The following RBM25 variants were observed in gnomAD, a reference collection of about 807,000 sequenced individuals.
RBM25 encodes RNA binding motif protein 25.
RBM25 carries 19 observed loss-of-function variants against 120.7 expected under a neutral mutation model. The ratio of observed to expected loss-of-function variants is 0.16; its 90% CI spans 0.11 to 0.23. The LOEUF is 0.23. Ranked by LOEUF, RBM25 falls within the 10% of genes least tolerant of loss-of-function variation. RBM25 has a pLI of 1.00. For missense variants in RBM25, 605 were observed against 1,041.5 expected (o/e 0.58, Z 5.77); for synonymous variants, 390 against 326.7 (o/e 1.19, Z -2.09).
At chr14:73,073,743 T>C (rs761710217) in intron 2 of RBM25, among the ~76,000 whole-genome samples, 2 of 152,236 alleles carry the variant, frequency 1.3e-5, no homozygotes, top group African/African-American at 4.8e-5. Context: ...TGGAATAGAA[T>C]GCAGTACTTT....
At position 73,112,086 on chromosome 14, in the gene RBM25, G is replaced by T. The variant is rs1293340551; in HGVS notation, c.2293-66G>T. 3 of 1,405,158 alleles carry T rather than the reference G, an allele frequency of 2.1e-6. No individual in the cohort carries two copies. The African/African-American group carries it at 4.4e-5, about 21-fold the overall frequency. 87.0% of individuals were successfully genotyped at this position (1,405,158 alleles called of 1,614,324 possible). ...ATATTTTAGTCTCAGGAAAAATCATGAAGCTTTAATAACTGTTATAGCAAG... is the reference window on the plus strand; with the variant it reads ...ATATTTTAGTCTCAGGAAAAATCATTAAGCTTTAATAACTGTTATAGCAAG... On this transcript the variant is annotated intron_variant, in intron 16 of 18. Transcript: ENST00000261973.
At chr14:73,074,751 G>A (rs1327551293) in intron 2 of RBM25, among the ~76,000 whole-genome samples, 3 of 150,988 alleles carry the variant, frequency 2.0e-5, no homozygotes, top group South Asian at 4.2e-4. Flanking sequence ...TCACTCTGTC[G>A]CTGGAGTGCA....
intron 6 of RBM25, among the ~76,000 whole-genome samples, chr14:73,091,686 A>G (rs920190610): frequency 6.6e-6 from 1 of 151,844 alleles, no homozygotes; most frequent in African/African-American, 2.4e-5. Flanking sequence ...AGCCTGGCCA[A>G]CATGGTGGAA....
rs362436 is a variant in RBM25 at position 73,112,129 on chromosome 14, A to G, written c.2293-23A>G. The G allele has an allele frequency of 5.5e-4, 860 of 1,566,478 alleles. 4 individuals carry two copies. The African/African-American group carries it at 0.011, about 20-fold the overall frequency. On this transcript the variant is annotated intron_variant, in intron 16 of 18. Transcript: ENST00000261973. ...ATAGCAAGTTACAATTCTTTAATTC[A>G]GTAACCGTGGTTTGTTTTGCAGATA...
In RBM25 at chr14:73,111,033, A is replaced by G. The variant is rs755455107; in HGVS notation, c.1895A>G (p.Asn632Ser). Residue 632 changes from asparagine (N) to serine (S), a missense_variant, in exon 15 of 19, where the codon AAT becomes AGT. Around this residue, in one of 4 missense-constraint regions of RBM25, gnomAD observed 465 missense variants for 741.6 expected, o/e 0.63. Coordinates refer to ENST00000261973, the MANE Select transcript of RBM25 (RefSeq NM_021239.3). ...SAPSVSSASG[N>S]ATPNTPGDES... Reference sequence around the variant, plus strand: ...CCATCTGTTTCCTCTGCCAGTGGCAATGCAACACCTAACACTCCTGGGGAT... The same window carrying G: ...CCATCTGTTTCCTCTGCCAGTGGCAGTGCAACACCTAACACTCCTGGGGAT... The G allele has an allele frequency of 6.2e-6, 10 of 1,614,194 alleles. No homozygotes were observed. Among genetic ancestry groups the G allele is most frequent in the Non-Finnish European group, 7.6e-6 (9 of 1,180,016 alleles).
intron 18 of RBM25, among the ~76,000 whole-genome samples, chr14:73,118,345 G>C (rs1305806254): frequency 1.3e-5 from 2 of 151,968 alleles, no homozygotes; most frequent in African/African-American, 4.8e-5. Context: ...AGGAGTAGTG[G>C]TGCACACCTG....
intron 2 of RBM25, among the ~76,000 whole-genome samples, chr14:73,072,867 A>G (rs1228262157): frequency 1.3e-5 from 2 of 152,098 alleles, no homozygotes; most frequent in Non-Finnish European, 1.5e-5. Flanking sequence ...AATTCATAGC[A>G]TGTATGTTAC....
chr14:73,122,902 C>G lies in RBM25; in HGVS notation c.*3097C>G, dbSNP rs1421036080. On this transcript the variant is annotated 3_prime_UTR_variant, in exon 19 of 19. Coordinates refer to ENST00000261973, the MANE Select transcript of RBM25 (RefSeq NM_021239.3). ...TCTATTCAGTATTATTTTATCCTAA[C>G]AGACTACATAAATGCAGCTGAATTT... 2 of 152,198 alleles carry G rather than the reference C, an allele frequency of 1.3e-5. No homozygotes were observed. The highest frequency in any genetic ancestry group is 2.9e-5 in the Non-Finnish European group (2 of 68,030). The allele number at this position is 152,198 out of a possible 1,614,324, so 9.4% of individuals were successfully genotyped here.
At position 73,061,071 on chromosome 14, in the gene RBM25, T is replaced by C. The variant is rs146336497; in HGVS notation, c.-16+2366T>C. 6.1e-3 allele frequency among the ~76,000 whole-genome samples: 916 copies of C among 150,918 alleles called. 18 individuals carry two copies. Among genetic ancestry groups the C allele is most frequent in the African/African-American group, 0.021 (871 of 41,358 alleles). ...TGGTGTACTTTTTTTTTTTTTTCCT[T>C]TTTGGAGATGGAGTCTCGCTCTGTC... On this transcript the variant is annotated intron_variant, in intron 1 of 18. Transcript: ENST00000261973.
At chr14:73,067,129 G>A (rs1419465502) in intron 1 of RBM25, among the ~76,000 whole-genome samples, 2 of 147,904 alleles carry the variant, frequency 1.4e-5, no homozygotes, top group African/African-American at 4.9e-5. Context: ...ACGTGCAATG[G>A]CACCGTCTCG....
chr14:73,064,505 C>T (rs1271838898), intron 1 of RBM25, among the ~76,000 whole-genome samples: 1 of 151,094 alleles, frequency 6.6e-6, no homozygotes, highest in African/African-American at 2.4e-5. Context: ...AGCAATTCTC[C>T]TGCCTCAGTC....
Position 73,073,404 on chromosome 14 carries a change from C to G in RBM25, c.106+1657C>G, listed in dbSNP as rs150208598. 6.0e-3 allele frequency among the ~76,000 whole-genome samples: 910 copies of G among 152,204 alleles called. 12 individuals are homozygous for G. Among genetic ancestry groups the G allele is most frequent in the African/African-American group, 0.021 (862 of 41,522 alleles). On this transcript the variant is annotated intron_variant, in intron 2 of 18. Coordinates refer to ENST00000261973, the MANE Select transcript of RBM25 (RefSeq NM_021239.3). ...GGGGAAAATCATAATTTAAAAAAAT[C>G]AGGCCGGGCACAGTGGCTCACGCCT...
At chr14:73,104,656 C>T (rs907415070) in intron 10 of RBM25, among the ~76,000 whole-genome samples, 2 of 152,118 alleles carry the variant, frequency 1.3e-5, no homozygotes, top group Non-Finnish European at 2.9e-5. Context: ...CGTGAGCCAC[C>T]ATGCCCGGCC....
intron 18 of RBM25, 100 bp from the exon 19 acceptor site, chr14:73,119,613 A>G: frequency 6.4e-7 from 1 of 1,565,496 alleles, no homozygotes; most frequent in Non-Finnish European, 8.6e-7. Flanking sequence ...ATAAGTGCTT[A>G]TTGTCAGTGG....
chr14:73,077,642 T>G (rs984534392), intron 4 of RBM25, 106 bp downstream of exon 4: 48 of 1,057,352 alleles, frequency 4.5e-5, no homozygotes, highest in Non-Finnish European at 1.5e-5. Flanking sequence ...TTAAAAAATT[T>G]CAGTCCTGCA....
chr14:73,109,581 CG>C, intron 14 of RBM25, 89 bp downstream of exon 14: 2 of 1,242,454 alleles, frequency 1.6e-6, no homozygotes, highest in Middle Eastern at 2.8e-4. Context: ...ATCACGAGGT[CG>C]GGAGATCGAG....
intron 1 of RBM25, among the ~76,000 whole-genome samples, chr14:73,067,138 C>T (rs1005648921): frequency 4.7e-5 from 7 of 148,390 alleles, no homozygotes; most frequent in Middle Eastern, 3.5e-3. Flanking sequence ...GGCACCGTCT[C>T]GGCTCACTGC....
At chr14:73,079,982 A>G (rs1895519678) in intron 4 of RBM25, among the ~76,000 whole-genome samples, 2 of 150,414 alleles carry the variant, frequency 1.3e-5, no homozygotes, top group Admixed American at 1.3e-4. Flanking sequence ...GTACTGGAGT[A>G]TAGAAATGTG....
chr14:73,102,497 T>C (rs1896075570), intron 9 of RBM25: 1 of 152,250 alleles, frequency 6.6e-6, no homozygotes, highest in Non-Finnish European at 1.5e-5. Flanking sequence ...CTTACAGGCA[T>C]AATGGGCATA....
Sources: gnomAD v4.1 joint callset for allele counts (sites outside exome capture counted in the v4.1 genomes callset) on GRCh38, gnomAD v4.1.1 for gene constraint, gnomAD v4.1.1 regional missense constraint, MANE v1.5 for transcripts, NCBI Gene and HGNC (gene_info 2026-07-23, HGNC 2026-07-21) for gene names.